LUZP2: variants seen among roughly 807,000 people sequenced by gnomAD.
LUZP2 encodes leucine zipper protein 2.
A neutral mutation model predicts 51.6 loss-of-function variants in LUZP2; 52 were observed. The observed-to-expected ratio is 1.01, with a 90% CI of 0.81 to 1.27. LUZP2 has a LOEUF of 1.27. LUZP2 is among the 50% of genes most tolerant of loss of function. The pLI is 0.00. For missense variants in LUZP2, 436 were observed against 395.4 expected (o/e 1.10, Z -0.87); for synonymous variants, 154 against 137.3 (o/e 1.12, Z -0.85).
At chr11:24,911,384 C>T (rs1195051249) in intron 6 of LUZP2, among the ~76,000 whole-genome samples, 1 of 152,066 alleles carries the variant, frequency 6.6e-6, no homozygotes, top group Non-Finnish European at 1.5e-5. Flanking sequence ...CCAAATCTCA[C>T]CTTGATTTGT....
intron 9 of LUZP2, among the ~76,000 whole-genome samples, chr11:25,024,903 A>G (rs1024535732): frequency 6.7e-6 from 1 of 150,298 alleles, no homozygotes; most frequent in African/African-American, 2.5e-5. Flanking sequence ...CTATACTACA[A>G]GGCTACAATA....
chr11:24,860,861 A>T (rs544829078), intron 5 of LUZP2, among the ~76,000 whole-genome samples: 100 of 152,296 alleles, frequency 6.6e-4, no homozygotes, highest in Middle Eastern at 3.4e-3. Flanking sequence ...GAATCAATTT[A>T]AAAAATGCTG....
chr11:24,963,362 C>A (rs1232992121), intron 7 of LUZP2, among the ~76,000 whole-genome samples: 1 of 152,160 alleles, frequency 6.6e-6, no homozygotes, highest in Non-Finnish European at 1.5e-5. Flanking sequence ...TGCCCTGCCC[C>A]CAGAGGTGGA....
intron 1 of LUZP2, among the ~76,000 whole-genome samples, chr11:24,651,424 C>T (rs1235849073): frequency 1.3e-5 from 2 of 152,020 alleles, no homozygotes; most frequent in Non-Finnish European, 2.9e-5. Context: ...CAAAACAATA[C>T]TTATTAGTTA....
At chr11:25,064,440 T>C (rs910896199) in intron 10 of LUZP2, among the ~76,000 whole-genome samples, 4 of 152,060 alleles carry the variant, frequency 2.6e-5, no homozygotes, top group African/African-American at 9.7e-5. Flanking sequence ...ATGAGCAGCA[T>C]GTAAACTTCT....
At chr11:24,893,545 C>T (rs1354447202) in intron 5 of LUZP2, among the ~76,000 whole-genome samples, 1 of 152,050 alleles carries the variant, frequency 6.6e-6, no homozygotes, top group Non-Finnish European at 1.5e-5. Flanking sequence ...GAGAAGACTA[C>T]ACATAATATA....
intron 7 of LUZP2, among the ~76,000 whole-genome samples, chr11:24,925,868 G>T (rs1488313528): frequency 6.6e-6 from 1 of 151,960 alleles, no homozygotes; most frequent in East Asian, 1.9e-4. Flanking sequence ...TGTACCCAAT[G>T]TGTAGTCATT....
intron 10 of LUZP2, among the ~76,000 whole-genome samples, chr11:25,057,787 G>GC (rs1436255321): frequency 1.3e-5 from 2 of 152,050 alleles, no homozygotes; most frequent in African/African-American, 4.8e-5. Context: ...ACATCTGCTT[G>GC]CAAGTCCCTT....
chr11:24,807,775 G>T (rs1320291482), intron 5 of LUZP2, among the ~76,000 whole-genome samples: 1 of 152,050 alleles, frequency 6.6e-6, no homozygotes, highest in African/African-American at 2.4e-5. Flanking sequence ...TACTTTTCAG[G>T]CAAGCGAGGT....
intron 7 of LUZP2, among the ~76,000 whole-genome samples, chr11:24,942,698 C>T (rs550980615): frequency 1.3e-5 from 2 of 151,826 alleles, no homozygotes; most frequent in South Asian, 2.1e-4. Context: ...TTAAACGTAG[C>T]TTTCAAAGGG....
chr11:24,537,046 A>C (rs1243567835), intron 1 of LUZP2, among the ~76,000 whole-genome samples: 2 of 151,826 alleles, frequency 1.3e-5, no homozygotes, highest in Non-Finnish European at 2.9e-5. Context: ...TTGTTAGTTA[A>C]TTTTGCATTC....
chr11:24,536,267 T>A (rs979883371), intron 1 of LUZP2, among the ~76,000 whole-genome samples: 2 of 151,818 alleles, frequency 1.3e-5, no homozygotes, highest in African/African-American at 2.4e-5. Context: ...TGCTTTAGTG[T>A]CTAACAGGAG....
At chr11:24,879,808 G>A (rs1322354780) in intron 5 of LUZP2, among the ~76,000 whole-genome samples, 6 of 152,006 alleles carry the variant, frequency 3.9e-5, no homozygotes, top group African/African-American at 1.5e-4. Context: ...CCTATTCTGT[G>A]GCTGAGCTTG....
chr11:24,511,312 T>G (rs1465849104), intron 1 of LUZP2, among the ~76,000 whole-genome samples: 4 of 152,178 alleles, frequency 2.6e-5, no homozygotes, highest in Non-Finnish European at 5.9e-5. Context: ...AAGTCCTTTC[T>G]GATGTTGGTG....
chr11:25,072,982 C>A (rs999195427), intron 10 of LUZP2, among the ~76,000 whole-genome samples: 3 of 152,068 alleles, frequency 2.0e-5, no homozygotes, highest in African/African-American at 7.2e-5. Flanking sequence ...TCACACCCAG[C>A]AGACTTAACA....
At chr11:24,544,691 C>T (rs61875609) in intron 1 of LUZP2, among the ~76,000 whole-genome samples, 29,301 of 152,026 alleles carry the variant, frequency 0.19, 3,442 homozygotes, top group Middle Eastern at 0.36. Context: ...CTCTGATAAG[C>T]ATTAAGGTTA....
Position 25,013,019 on chromosome 11 carries a change from C to A in LUZP2, c.765+29726C>A, listed in dbSNP as rs142867521. Among the ~76,000 whole-genome samples, 444 of 151,960 alleles carry A rather than the reference C, an allele frequency of 2.9e-3. 1 individual carries two copies. Among genetic ancestry groups the A allele is most frequent in the African/African-American group, 9.8e-3 (408 of 41,432 alleles). Reference sequence around the variant, plus strand: ...GATCAAGAAAATGTACTAGGTATACCCAAATGGAATACTCCACAGGTATAA... The same window carrying A: ...GATCAAGAAAATGTACTAGGTATACACAAATGGAATACTCCACAGGTATAA... On this transcript the variant is annotated intron_variant, in intron 9 of 11. Transcript: ENST00000336930.
chr11:24,626,370 A>G (rs1854682659), intron 1 of LUZP2, among the ~76,000 whole-genome samples: 1 of 152,180 alleles, frequency 6.6e-6, no homozygotes, highest in Non-Finnish European at 1.5e-5. Context: ...GCTTTAAAAC[A>G]CCTGCTTACA....
intron 8 of LUZP2, among the ~76,000 whole-genome samples, chr11:24,982,412 G>T (rs959522104): frequency 2.6e-5 from 4 of 151,836 alleles, no homozygotes; most frequent in African/African-American, 9.7e-5. Flanking sequence ...TATACACCAT[G>T]GAATAGTATC....
Sources: gnomAD v4.1 joint callset for allele counts (sites outside exome capture counted in the v4.1 genomes callset) on GRCh38, gnomAD v4.1.1 for gene constraint, MANE v1.5 for transcripts, NCBI Gene and HGNC (gene_info 2026-07-23, HGNC 2026-07-21) for gene names.